AGAP1: variants seen among roughly 807,000 people sequenced by gnomAD.
AGAP1 encodes the protein ArfGAP with GTPase domain, ankyrin repeat and PH domain 1.
A neutral mutation model predicts 105.3 loss-of-function variants in AGAP1; 29 were observed. The ratio of observed to expected loss-of-function variants is 0.28; its 90% CI spans 0.21 to 0.38. The LOEUF is 0.38. Ranked by LOEUF, AGAP1 falls within the 10% of genes least tolerant of loss-of-function variation. The probability of loss-of-function intolerance (pLI) is 1.00; values close to 1 mark genes in which losing one functional copy is unlikely to be tolerated. For synonymous variants in AGAP1, 509 were observed against 485.9 expected (o/e 1.05, Z -0.63); for missense variants, 998 against 1,165.1 (o/e 0.86, Z 2.09).
At chr2:235,643,240 G>C (rs1459004319) in intron 1 of AGAP1, among the ~76,000 whole-genome samples, 1 of 151,844 alleles carries the variant, frequency 6.6e-6, no homozygotes, top group Non-Finnish European at 1.5e-5. Context: ...AGACCAGCCT[G>C]GCCAACATGG....
chr2:235,596,710 C>T lies in AGAP1; in HGVS notation c.163+101861C>T, dbSNP rs1275374503. 1.3e-5 allele frequency among the ~76,000 whole-genome samples: 2 copies of T among 152,204 alleles called. No individual in the cohort carries two copies. The highest frequency in any genetic ancestry group is 4.8e-5 in the African/African-American group (2 of 41,444). On this transcript the variant is annotated intron_variant, in intron 1 of 17. Coordinates refer to ENST00000304032, the MANE Select transcript of AGAP1 (RefSeq NM_001037131.3). This position sits in a 1 kb window ranked among gnomAD's most constrained non-coding sequence, Gnocchi z 5.9. ...AAGAGAAACCTCGGAGGTCAATCAG[C>T]TTTCACTCTTCCTCTCTTGTGCCCC...
At chr2:236,094,728 T>C (rs986079190) in intron 16 of AGAP1, among the ~76,000 whole-genome samples, 8 of 151,986 alleles carry the variant, frequency 5.3e-5, no homozygotes, top group African/African-American at 1.2e-4. Flanking sequence ...GTGGACTGTA[T>C]GTAAGTGCAT....
Position 235,586,900 on chromosome 2 carries a change from G to T in AGAP1, c.163+92051G>T, listed in dbSNP as rs937417195. ...TTCATATACCATGCACAGCCTGTCAGCATACAGCTTGAATGAACTCACGTG... is the reference window on the plus strand; with the variant it reads ...TTCATATACCATGCACAGCCTGTCATCATACAGCTTGAATGAACTCACGTG... On this transcript the variant is annotated intron_variant, in intron 1 of 17. Transcript: ENST00000304032. This position sits in a 1 kb window ranked among gnomAD's most constrained non-coding sequence, Gnocchi z 4.2. Among the ~76,000 whole-genome samples the T allele has an allele frequency of 6.6e-6, 1 of 152,184 alleles. No individual in the cohort carries two copies. The highest frequency in any genetic ancestry group is 1.5e-5 in the Non-Finnish European group (1 of 68,052).
At chr2:235,585,183 G>C (rs1007599950) in intron 1 of AGAP1, among the ~76,000 whole-genome samples, 3 of 152,096 alleles carry the variant, frequency 2.0e-5, no homozygotes, top group African/African-American at 7.2e-5. Flanking sequence ...ATTTATTACA[G>C]TTCGGAAGCT....
rs200447226 is a variant in AGAP1, at chr2:235,935,294, CCCT to C, written c.1483+4376_1483+4378del. 3.3e-4 allele frequency among the ~76,000 whole-genome samples: 51 copies of C among 152,274 alleles called. No homozygotes were observed. The East Asian group carries it at 8.7e-3, about 26-fold the overall frequency. On this transcript the variant is annotated intron_variant, in intron 12 of 17. Coordinates refer to ENST00000304032, the MANE Select transcript of AGAP1 (RefSeq NM_001037131.3). The stretch of plus-strand genomic sequence containing the variant: ...TTGCAAGCCGCACGGAGGATTGGAT[CCCT>C]CCTCTGCTGAGTACCACATGCTGCT...
rs1446272772 is a variant in AGAP1, at chr2:235,789,156, A to G, written c.674-8603A>G. The stretch of plus-strand genomic sequence containing the variant: ...ACCAGAATTGGATACACATATTAAA[A>G]ATGTCAAATACACCATATTTGTTTC... On this transcript the variant is annotated intron_variant, in intron 6 of 17. Transcript: ENST00000304032. This position sits in a 1 kb window ranked among gnomAD's most constrained non-coding sequence, Gnocchi z 4.2. Among the ~76,000 whole-genome samples the G allele has an allele frequency of 6.6e-6, 1 of 152,232 alleles. No individual in the cohort carries two copies. The highest frequency in any genetic ancestry group is 1.5e-5 in the Non-Finnish European group (1 of 68,040).
At chr2:235,565,703 CG>C (rs1248714883) in intron 1 of AGAP1, among the ~76,000 whole-genome samples, 22 of 152,162 alleles carry the variant, frequency 1.4e-4, no homozygotes, top group Admixed American at 5.2e-4. Context: ...CTCTGTCACC[CG>C]GGGTGGAGTG....
chr2:236,025,523 T>A (rs947943831), intron 13 of AGAP1, among the ~76,000 whole-genome samples: 4 of 152,090 alleles, frequency 2.6e-5, no homozygotes, highest in African/African-American at 9.7e-5. Flanking sequence ...GAAGGGAAAT[T>A]GGGTCCAAAA....
chr2:235,790,821 A>T (rs1956932514), intron 6 of AGAP1, among the ~76,000 whole-genome samples: 1 of 152,200 alleles, frequency 6.6e-6, no homozygotes, highest in Non-Finnish European at 1.5e-5. Context: ...AAGCATTTCC[A>T]GAAGAGGTCC....
At chr2:235,776,650 C>T (rs925254291) in intron 6 of AGAP1, among the ~76,000 whole-genome samples, 1 of 152,186 alleles carries the variant, frequency 6.6e-6, no homozygotes, top group Non-Finnish European at 1.5e-5. Context: ...GGGCGTCACT[C>T]GCTCATGAGC....
Position 236,046,540 on chromosome 2 carries a change from G to A in AGAP1, c.1892-2519G>A, listed in dbSNP as rs2125700691. Among the ~76,000 whole-genome samples the A allele has an allele frequency of 6.6e-6, 1 of 152,326 alleles. No homozygotes were observed. The highest frequency in any genetic ancestry group is 2.1e-4 in the South Asian group (1 of 4,832). On this transcript the variant is annotated intron_variant, in intron 15 of 17. Coordinates refer to ENST00000304032, the MANE Select transcript of AGAP1 (RefSeq NM_001037131.3). The surrounding 1 kb of genome is among the most constrained non-coding windows in gnomAD (Gnocchi z 5.2). ...CTGGGGTCCCAGCTTGAATAGCTGG[G>A]ACAGGAGGGACCTGGCAGAAGAATG...
chr2:235,681,949 C>G (rs1268735115), intron 1 of AGAP1, among the ~76,000 whole-genome samples: 1 of 144,454 alleles, frequency 6.9e-6, no homozygotes, highest in East Asian at 2.3e-4. Context: ...CTCCCAGGTT[C>G]AAGCAATTCT....
chr2:235,618,572 G>A (rs1204063653), intron 1 of AGAP1, among the ~76,000 whole-genome samples: 1 of 152,050 alleles, frequency 6.6e-6, no homozygotes, highest in African/African-American at 2.4e-5. Context: ...TAGATGAAAA[G>A]GCTTTAGTTA....
At chr2:235,999,767 T>C (rs942096078) in intron 13 of AGAP1, among the ~76,000 whole-genome samples, 19 of 147,358 alleles carry the variant, frequency 1.3e-4, no homozygotes, top group Non-Finnish European at 2.6e-4. Context: ...CTGATTATGA[T>C]GTTGTTGGGA....
chr2:235,986,429 T>G (rs763533030), intron 13 of AGAP1, among the ~76,000 whole-genome samples: 1 of 152,212 alleles, frequency 6.6e-6, no homozygotes, highest in Non-Finnish European at 1.5e-5. Flanking sequence ...AGAGACAATT[T>G]GATTTCCTCT....
chr2:235,567,935 G>A (rs971393980), intron 1 of AGAP1, among the ~76,000 whole-genome samples: 7 of 152,172 alleles, frequency 4.6e-5, no homozygotes, highest in Middle Eastern at 3.2e-3. Flanking sequence ...ATGCACTGGC[G>A]CAGAACTGAG....
At chr2:235,790,809 TCAAGCATTTC>T (rs1329600110) in intron 6 of AGAP1, among the ~76,000 whole-genome samples, 3 of 152,202 alleles carry the variant, frequency 2.0e-5, no homozygotes, top group African/African-American at 7.2e-5. Context: ...CAGCATGGCC[TCAAGCATTTC>T]CAGAAGAGGT....
At chr2:235,499,205 C>T (rs1225280749) in intron 1 of AGAP1, among the ~76,000 whole-genome samples, 3 of 152,186 alleles carry the variant, frequency 2.0e-5, no homozygotes. Flanking sequence ...TTCATACTTC[C>T]CATAGGCCGT....
At chr2:235,532,156 T>C (rs1022044051) in intron 1 of AGAP1, among the ~76,000 whole-genome samples, 2 of 152,234 alleles carry the variant, frequency 1.3e-5, no homozygotes, top group African/African-American at 4.8e-5. Context: ...TTGCCTATAA[T>C]TCTTCTAGCT....
Sources: allele counts gnomAD v4.1 joint callset (sites outside exome capture counted in the v4.1 genomes callset), GRCh38; gene constraint gnomAD v4.1.1; non-coding constraint Gnocchi (gnomAD v3.1); transcripts MANE v1.5; gene names NCBI Gene and HGNC (gene_info 2026-07-23, HGNC 2026-07-21).